The following IL11RA variants were observed in gnomAD, a reference collection of about 807,000 sequenced individuals.
The protein encoded by IL11RA is interleukin 11 receptor subunit alpha.
A neutral mutation model predicts 57.0 loss-of-function variants in IL11RA; 51 were observed. The ratio of observed to expected loss-of-function variants is 0.89; its 90% confidence interval spans 0.71 to 1.13. The LOEUF (loss-of-function observed/expected upper bound fraction) is 1.13, where lower values mean the gene tolerates loss of function less well. IL11RA is among the 50% of genes most tolerant of loss of function. The pLI is 0.00. For synonymous variants in IL11RA, 199 were observed against 217.5 expected, an observed-to-expected ratio of 0.91 and a Z score of 0.75; for missense variants, 498 against 539.4, an observed-to-expected ratio of 0.92 and a Z score of 0.76.
chr9:34,655,747 T>G lies in IL11RA; in HGVS notation c.161+82T>G, dbSNP rs564997240. ...TAGTCCTCATGTCCCGCCCCTCCCA[T>G]CCTTGCCCGCTCTGTCCGTAATCCT... is the stretch of plus-strand genomic sequence containing the variant. On this transcript the variant is annotated intron_variant, in intron 3 of 12. Coordinates refer to ENST00000441545, the MANE Select transcript of IL11RA (RefSeq NM_001142784.3). 3.3e-4 allele frequency: 381 copies of G among 1,159,244 alleles called. 2 individuals carry two copies. The African/African-American group carries it at 5.2e-3, about 16-fold the overall frequency. 71.8% of individuals were successfully genotyped at this position (1,159,244 alleles called of 1,614,324 possible). A position where few individuals can be genotyped will look rare whatever the true frequency, so the allele number is the denominator to read the frequency against.
At chr9:34,655,164 C>G (rs1821318472) in intron 1 of IL11RA, 54 bp from the exon 2 acceptor site, 17 of 1,264,390 alleles carry the variant, frequency 1.3e-5, no homozygotes, top group Non-Finnish European at 1.8e-5. Context: ...AAGAGCCAGG[C>G]TTTAGCCTCC....
Position 34,656,758 on chromosome 9 carries a change from CGG to C in IL11RA, c.183_184del (p.Asp62TrpfsTer10). Reference sequence around the variant, plus strand: ...TTCCAGGGACCCAGTGTCCTGGTTTCGGGATGGGGAGCCAAAGCTGCTCCAGG... The same window carrying C: ...TTCCAGGGACCCAGTGTCCTGGTTTCGATGGGGAGCCAAAGCTGCTCCAGG... ...VTAGDPVSWF[R>X]DGEPKLLQGP... is the part of the protein sequence containing the mutation. On this transcript the variant is annotated frameshift_variant, in exon 4 of 13. Coordinates refer to ENST00000441545, the MANE Select transcript of IL11RA (RefSeq NM_001142784.3). LOFTEE classifies it high-confidence loss of function. The C allele has an allele frequency of 6.2e-7, 1 of 1,614,128 alleles. No homozygotes were observed. The highest frequency in any genetic ancestry group is 8.5e-7 in the Non-Finnish European group (1 of 1,180,012).
chr9:34,655,388 C>A, intron 2 of IL11RA, 71 bp downstream of exon 2: 1 of 990,164 alleles, frequency 1.0e-6, no homozygotes, highest in Non-Finnish European at 1.6e-6. Flanking sequence ...TGGCCCCTTC[C>A]CATGCCTAAC....
intron 8 of IL11RA, among the ~76,000 whole-genome samples, chr9:34,659,381 C>T (rs1457513568): frequency 6.6e-6 from 1 of 152,188 alleles, no homozygotes; most frequent in Non-Finnish European, 1.5e-5. Context: ...CAGATAATAA[C>T]TAATATTTAC....
In IL11RA at chr9:34,661,604, G is replaced by A; in HGVS notation, c.*106G>A. The A allele has an allele frequency of 8.0e-7, 1 of 1,253,598 alleles. No individual in the cohort carries two copies. The highest frequency in any genetic ancestry group is 1.7e-5 in the Admixed American group (1 of 58,752). The allele number at this position is 1,253,598 out of a possible 1,614,324, so 77.7% of individuals were successfully genotyped here. A position where few individuals can be genotyped will look rare whatever the true frequency, so the allele number is the denominator to read the frequency against. On this transcript the variant is annotated 3_prime_UTR_variant, in exon 13 of 13. Coordinates refer to ENST00000441545, the MANE Select transcript of IL11RA (RefSeq NM_001142784.3). The stretch of plus-strand genomic sequence containing the variant: ...CCCTATGGTTGGATCTCAGCTGGAA[G>A]TTCTGTTTGGAGCCCATTTCTGTGA...
chr9:34,656,645 C>G, intron 3 of IL11RA, 94 bp from the exon 4 acceptor site: 1 of 1,428,508 alleles, frequency 7.0e-7, no homozygotes, highest in East Asian at 2.3e-5. Flanking sequence ...GGTTCTATTG[C>G]AAATGCAGTT....
rs1821397019 is a variant in IL11RA at position 34,658,686 on chromosome 9, G to A, written c.810+3G>A. On this transcript the variant is annotated splice_donor_region_variant and intron_variant, in intron 8 of 12. Coordinates refer to ENST00000441545, the MANE Select transcript of IL11RA (RefSeq NM_001142784.3). This position sits in a 1 kb window ranked among gnomAD's most constrained non-coding sequence, Gnocchi z 4.0. ...CGCAGCATCCAGCCTGGTCCACGGT[G>A]AGGCCTGGAGTGCGTCCCAACCCAC... 2.5e-6 allele frequency: 4 copies of A among 1,611,680 alleles called. No individual in the cohort carries two copies. Among genetic ancestry groups the A allele is most frequent in the East Asian group, 2.2e-5 (1 of 44,872 alleles).
intron 2 of IL11RA, 128 bp from the exon 3 acceptor site, chr9:34,655,477 T>A: frequency 1.1e-6 from 1 of 914,954 alleles, no homozygotes; most frequent in African/African-American, 1.6e-5. Context: ...CTCCAGATTA[T>A]AACATGATGC....
chr9:34,659,949 C>CT (rs754830292), intron 9 of IL11RA, 49 bp downstream of exon 9: 1 of 1,602,692 alleles, frequency 6.2e-7, no homozygotes, highest in Non-Finnish European at 8.5e-7. Flanking sequence ...CCCAAAGCAT[C>CT]TATCAGCTGA....
rs148148995 is a variant in IL11RA, at chr9:34,655,259, C to T, written c.42C>T (p.Ala14=). 19 of 1,611,990 alleles carry T rather than the reference C, an allele frequency of 1.2e-5. No homozygotes were observed. Among genetic ancestry groups the T allele is most frequent in the African/African-American group, 4.0e-5 (3 of 74,758 alleles). Residue 14 remains alanine (A), a synonymous_variant, in exon 2 of 13, where the codon GCC becomes GCT. Transcript: ENST00000441545. The part of the protein sequence containing the change: ...SCSGLSRVLV[A]VATALVSASS... ...CAGGGCTGAGCAGGGTCCTGGTGGC[C>T]GTGGCTACAGCCCTGGTGTCTGCCT...
At chr9:34,660,456 C>T (rs746268881) in intron 10 of IL11RA, 48 bp from the exon 11 acceptor site, 11 of 1,613,712 alleles carry the variant, frequency 6.8e-6, no homozygotes, top group South Asian at 4.4e-5. Context: ...AAGGGGACAC[C>T]GAGCTTGGTC....
Position 34,661,672 on chromosome 9 carries a change from C to CT in IL11RA, c.*175dup. ...TTGCAGCTGAAAGGTGCTTGTACCTCTGATTTCACCCCAGAGTTGGAGTTC... is the reference window on the plus strand; with the variant it reads ...TTGCAGCTGAAAGGTGCTTGTACCTCTTGATTTCACCCCAGAGTTGGAGTTC... On this transcript the variant is annotated 3_prime_UTR_variant, in exon 13 of 13. Transcript: ENST00000441545. The CT allele has an allele frequency of 1.3e-6, 1 of 775,722 alleles. No homozygotes were observed. Among genetic ancestry groups the CT allele is most frequent in the Non-Finnish European group, 2.2e-6 (1 of 449,896 alleles). The allele number at this position is 775,722 out of a possible 1,614,324, so 48.1% of individuals were successfully genotyped here.
intron 5 of IL11RA, 75 bp downstream of exon 5, chr9:34,657,224 G>A (rs951958006): frequency 6.2e-7 from 1 of 1,609,860 alleles, no homozygotes; most frequent in Admixed American, 1.7e-5. Context: ...AGGCAGGGAG[G>A]TAGGTTCTGA....
intron 7 of IL11RA, 149 bp downstream of exon 7, chr9:34,657,736 G>T (rs920279833): frequency 7.7e-6 from 6 of 779,400 alleles, no homozygotes; most frequent in Non-Finnish European, 1.3e-5. Flanking sequence ...GAAGGCAAAG[G>T]GATCAGAGCC....
chr9:34,659,161 G>T (rs137932522), intron 8 of IL11RA, among the ~76,000 whole-genome samples: 1 of 152,140 alleles, frequency 6.6e-6, no homozygotes, highest in East Asian at 1.9e-4. Context: ...ATGACCTCAC[G>T]ATCTGCCCAC....
In IL11RA at chr9:34,658,615, T is replaced by A; in HGVS notation, c.742T>A (p.Cys248Ser). The A allele has an allele frequency of 6.2e-7, 1 of 1,614,132 alleles. No individual in the cohort carries two copies. Among genetic ancestry groups the A allele is most frequent in the Non-Finnish European group, 8.5e-7 (1 of 1,180,022 alleles). ...ASWTYPASWP[C>S]QPHFLLKFRL... ...CTGGACATACCCTGCCTCCTGGCCG[T>A]GCCAGCCCCACTTCCTGCTCAAGTT... The change falls in exon 8 of 13, where the codon TGC becomes AGC. Residue 248 changes from cysteine to serine, a missense_variant. Transcript: ENST00000441545. The surrounding 1 kb of genome is among the most constrained non-coding windows in gnomAD (Gnocchi z 4.0).
At position 34,653,932 on chromosome 9, in the gene IL11RA, G is replaced by A. The variant is rs1353084686; in HGVS notation, c.1-1286G>A. On this transcript the variant is annotated intron_variant, in intron 1 of 12. Coordinates refer to ENST00000441545, the MANE Select transcript of IL11RA (RefSeq NM_001142784.3). This position sits in a 1 kb window ranked among gnomAD's most constrained non-coding sequence, Gnocchi z 4.5. ...GGTCCCAGAACTGAGTGGAGTAGGA[G>A]ACGGGGGCTGTAGCTGGTGAGAGGA... The A allele has an allele frequency of 6.6e-6, 1 of 152,664 alleles. No individual in the cohort carries two copies. The highest frequency in any genetic ancestry group is 6.5e-5 in the Admixed American group (1 of 15,282). 9.5% of individuals were successfully genotyped at this position (152,664 alleles called of 1,614,324 possible). A position where few individuals can be genotyped will look rare whatever the true frequency, so the allele number is the denominator to read the frequency against.
At chr9:34,655,524 C>T (rs1331885148) in intron 2 of IL11RA, 81 bp from the exon 3 acceptor site, 5 of 1,306,416 alleles carry the variant, frequency 3.8e-6, no homozygotes, top group African/African-American at 2.9e-5. Flanking sequence ...CAGGTTTTAA[C>T]AGTCTGCTTC....
At chr9:34,657,385 C>A (rs181486891) in intron 6 of IL11RA, 36 bp from the exon 7 acceptor site, 1 of 1,614,174 alleles carries the variant, frequency 6.2e-7, no homozygotes, top group African/African-American at 1.3e-5. Flanking sequence ...CCACAGTAGG[C>A]ATTTTCAAAG....
Sources: allele counts gnomAD v4.1 joint callset (sites outside exome capture counted in the v4.1 genomes callset), GRCh38; gene constraint gnomAD v4.1.1; non-coding constraint Gnocchi (gnomAD v3.1); transcripts MANE v1.5; gene names NCBI Gene and HGNC (gene_info 2026-07-23, HGNC 2026-07-21).